SNX31: variants seen among roughly 807,000 people sequenced by gnomAD.
The protein encoded by SNX31 is sorting nexin 31.
SNX31 carries 58 observed loss-of-function variants against 65.4 expected under a neutral mutation model. The ratio of observed to expected loss-of-function variants is 0.89; its 90% CI spans 0.72 to 1.10. The LOEUF (loss-of-function observed/expected upper bound fraction) is 1.10, where lower values mean the gene tolerates loss of function less well. Ranked by LOEUF, SNX31 falls within the 50% of genes least tolerant of loss-of-function variation. The pLI is 0.00. For synonymous variants in SNX31, 181 were observed against 190.1 expected (o/e 0.95, Z 0.39); for missense variants, 523 against 529.7 (o/e 0.99, Z 0.12).
At chr8:100,653,166 T>C (rs1250240250), upstream of SNX31, among the ~76,000 whole-genome samples, 1 of 152,194 alleles carries the variant, frequency 6.6e-6, no homozygotes, top group African/African-American at 2.4e-5. Context: ...GATGTGTATC[T>C]TTCTCTGTCT....
intron 8 of SNX31, among the ~76,000 whole-genome samples, chr8:100,602,355 T>G (rs553406537): frequency 2.0e-5 from 3 of 152,314 alleles, no homozygotes; most frequent in African/African-American, 7.2e-5. Context: ...AATAACAATA[T>G]TTGTTGAAAA....
chr8:100,642,826 A>T (rs1287168079), intron 2 of SNX31, among the ~76,000 whole-genome samples: 1 of 152,206 alleles, frequency 6.6e-6, no homozygotes, highest in East Asian at 1.9e-4. Flanking sequence ...CTCTTTTATT[A>T]TGTGGTGTTT....
At chr8:100,592,921 G>T (rs1814714278) in intron 10 of SNX31, among the ~76,000 whole-genome samples, 1 of 152,170 alleles carries the variant, frequency 6.6e-6, no homozygotes, top group African/African-American at 2.4e-5. Context: ...AGCTCAAGCG[G>T]TTACCTCCTC....
At chr8:100,600,318 G>A in intron 9 of SNX31, 31 bp downstream of exon 9, 1 of 1,571,252 alleles carries the variant, frequency 6.4e-7, no homozygotes, top group African/African-American at 1.4e-5. Context: ...TCCCTTTCAA[G>A]GGATTTCTCT....
intron 4 of SNX31, among the ~76,000 whole-genome samples, chr8:100,621,998 G>A (rs952988399): frequency 6.6e-6 from 1 of 152,254 alleles, no homozygotes; most frequent in Non-Finnish European, 1.5e-5. Flanking sequence ...GTTTGGGGTA[G>A]AGGTGAGAAG....
rs991784979 is a variant in SNX31 at position 100,610,927 on chromosome 8, G to A, written c.611+1073C>T. Reference sequence around the variant, plus strand: ...CAGAATAAATGGGCTGGGAGAGAGCGAGCCTAAGGAGCAATCCCCTGCAGC... The same window carrying A: ...CAGAATAAATGGGCTGGGAGAGAGCAAGCCTAAGGAGCAATCCCCTGCAGC... On this transcript the variant is annotated intron_variant, in intron 7 of 13. Coordinates refer to ENST00000311812, the MANE Select transcript of SNX31 (RefSeq NM_152628.4). The surrounding 1 kb of genome is among the most constrained non-coding windows in gnomAD (Gnocchi z 4.0). 6.6e-5 allele frequency among the ~76,000 whole-genome samples: 10 copies of A among 152,198 alleles called. 1 individual carries two copies. Among genetic ancestry groups the A allele is most frequent in the East Asian group, 1.9e-4 (1 of 5,186 alleles).
At chr8:100,631,959 T>C (rs1308382916) in intron 3 of SNX31, among the ~76,000 whole-genome samples, 2 of 152,248 alleles carry the variant, frequency 1.3e-5, no homozygotes, top group Non-Finnish European at 2.9e-5. Flanking sequence ...CTAAAAACTT[T>C]GTATATTTTA....
intron 2 of SNX31, among the ~76,000 whole-genome samples, chr8:100,646,306 T>A (rs545316047): frequency 1.3e-5 from 2 of 152,174 alleles, no homozygotes; most frequent in East Asian, 3.9e-4. Context: ...CAAATCAGGT[T>A]ATGGTGGCAA....
Position 100,573,978 on chromosome 8 carries a change from A to G in SNX31, c.1228-18T>C, listed in dbSNP as rs767118643. The G allele has an allele frequency of 8.0e-5, 111 of 1,384,236 alleles. No individual in the cohort carries two copies. The highest frequency in any genetic ancestry group is 1.0e-4 in the Non-Finnish European group (105 of 1,009,386). The allele number at this position is 1,384,236 out of a possible 1,614,324, so 85.7% of individuals were successfully genotyped here. On this transcript the variant is annotated intron_variant, in intron 13 of 13. Coordinates refer to ENST00000311812, the MANE Select transcript of SNX31 (RefSeq NM_152628.4). Reference sequence around the variant, plus strand: ...TCTTTCTGCTGTGAAGTAAACAGAGAGGTCAGAAATGTAAATGAAAGGAAA... The same window carrying G: ...TCTTTCTGCTGTGAAGTAAACAGAGGGGTCAGAAATGTAAATGAAAGGAAA...
At chr8:100,635,831 G>T in intron 3 of SNX31, 66 bp downstream of exon 3, 1 of 1,041,334 alleles carries the variant, frequency 9.6e-7, no homozygotes, top group Non-Finnish European at 1.5e-6. Flanking sequence ...TTTAGCAGGT[G>T]AATTTTGTGG....
rs1815984305 is a variant in SNX31, at chr8:100,604,772, C to T, written c.681+3722G>A. On this transcript the variant is annotated intron_variant, in intron 8 of 13. Transcript: ENST00000311812. This position sits in a 1 kb window ranked among gnomAD's most constrained non-coding sequence, Gnocchi z 4.3. ...GGAATTCAGTTGACTCATTGGATAT[C>T]ACTGGGCACATCTGCTTTAGAAAAT... Among the ~76,000 whole-genome samples, 1 of 152,214 alleles carries T rather than the reference C, an allele frequency of 6.6e-6. No individual in the cohort carries two copies. The highest frequency in any genetic ancestry group is 1.5e-5 in the Non-Finnish European group (1 of 68,030).
intron 13 of SNX31, among the ~76,000 whole-genome samples, chr8:100,574,447 C>A (rs1288292088): frequency 6.6e-6 from 1 of 152,056 alleles, no homozygotes; most frequent in Admixed American, 6.5e-5. Context: ...CCCTGGCCAA[C>A]GTGGTGAAAC....
rs115065541 is a variant in SNX31 at position 100,578,868 on chromosome 8, C to T, written c.1171-1793G>A. ...TCCCAAGTAGCTAGGAATACAGGTA[C>T]GCGCCACCATGCCCATCTAATTTTT... On this transcript the variant is annotated intron_variant, in intron 12 of 13. Transcript: ENST00000311812. The surrounding 1 kb of genome is among the most constrained non-coding windows in gnomAD (Gnocchi z 4.7). Among the ~76,000 whole-genome samples the T allele has an allele frequency of 0.027, 4,068 of 152,088 alleles. 198 individuals are homozygous for T. Among genetic ancestry groups the T allele is most frequent in the African/African-American group, 0.092 (3,812 of 41,454 alleles).
chr8:100,624,625 T>C lies in SNX31; in HGVS notation c.321+5702A>G, dbSNP rs550956257. 4.6e-5 allele frequency among the ~76,000 whole-genome samples: 7 copies of C among 152,244 alleles called. No individual in the cohort carries two copies. In the South Asian group the frequency reaches 1.5e-3, roughly 32 times the overall value. On this transcript the variant is annotated intron_variant, in intron 4 of 13. Coordinates refer to ENST00000311812, the MANE Select transcript of SNX31 (RefSeq NM_152628.4). Reference sequence around the variant, plus strand: ...CAAAACAGATCAAACAAGTTTAGAGTGGAAATCAAACAACAATTTGGCTCT... The same window carrying C: ...CAAAACAGATCAAACAAGTTTAGAGCGGAAATCAAACAACAATTTGGCTCT...
At chr8:100,618,629 CCATGACCCCCTCTCAGGTT>C in intron 4 of SNX31, 1 of 512,628 alleles carries the variant, frequency 2.0e-6, no homozygotes, top group Non-Finnish European at 3.4e-6. Context: ...ATTCTGGTTT[CCATGACCCCCTCTCAGGTT>C]TGATAGTTTG....
At chr8:100,656,861 T>G (rs1263573636) in intron 1 of SNX31, among the ~76,000 whole-genome samples, 1 of 152,116 alleles carries the variant, frequency 6.6e-6, no homozygotes, top group Non-Finnish European at 1.5e-5. Flanking sequence ...TTCTCTTAGA[T>G]CCTCTCTTCA....
chr8:100,657,025 A>G (rs183391215), intron 1 of SNX31, among the ~76,000 whole-genome samples: 1 of 152,366 alleles, frequency 6.6e-6, no homozygotes. Context: ...CATGCTAATG[A>G]AGCTTACACA....
At chr8:100,595,317 T>G (rs1038362159) in intron 10 of SNX31, among the ~76,000 whole-genome samples, 13 of 151,392 alleles carry the variant, frequency 8.6e-5, no homozygotes, top group Admixed American at 4.6e-4. Context: ...ATTTGTTGTT[T>G]TTTTTTTTTT....
At chr8:100,608,386 T>G in intron 8 of SNX31, 108 bp downstream of exon 8, 1 of 953,826 alleles carries the variant, frequency 1.0e-6, no homozygotes, top group Non-Finnish European at 1.7e-6. Context: ...AATGTGCCTG[T>G]TTTAGGTGTG....
Sources: gnomAD v4.1 joint callset for allele counts (sites outside exome capture counted in the v4.1 genomes callset) on GRCh38, gnomAD v4.1.1 for gene constraint, Gnocchi (gnomAD v3.1) non-coding constraint, MANE v1.5 for transcripts, NCBI Gene and HGNC (gene_info 2026-07-23, HGNC 2026-07-21) for gene names.